Variants in MAN1A1 observed in about 807,000 individuals in gnomAD.
The protein encoded by MAN1A1 is mannosyl-oligosaccharide 1,2-alpha-mannosidase IA.
Under a neutral mutation model 70.8 loss-of-function variants are expected in MAN1A1, and 29 were observed. That is an observed-to-expected ratio of 0.41 (90% CI 0.31 to 0.56). MAN1A1 has a LOEUF of 0.56. Ranked by LOEUF, MAN1A1 falls within the 20% of genes least tolerant of loss-of-function variation. MAN1A1 has a pLI of 0.29. For synonymous variants in MAN1A1, 349 were observed against 330.1 expected, an observed-to-expected ratio of 1.06 and a Z score of -0.62; for missense variants, 747 against 841.3, an observed-to-expected ratio of 0.89 and a Z score of 1.39.
chr6:119,311,089 C>T (rs1262908866), intron 2 of MAN1A1, among the ~76,000 whole-genome samples: 1 of 152,184 alleles, frequency 6.6e-6, no homozygotes, highest in Non-Finnish European at 1.5e-5. Context: ...TTTCTGCACA[C>T]ACAAAATGTG....
At chr6:119,190,010 T>A in intron 9 of MAN1A1, 127 bp from the exon 10 acceptor site, 1 of 747,216 alleles carries the variant, frequency 1.3e-6, no homozygotes, top group Admixed American at 2.8e-5. Context: ...TAAAAATCCA[T>A]TCAACCTGAA....
At chr6:119,313,030 G>C (rs1772753520) in intron 2 of MAN1A1, among the ~76,000 whole-genome samples, 1 of 152,108 alleles carries the variant, frequency 6.6e-6, no homozygotes, top group East Asian at 1.9e-4. Context: ...GTCCTCCTAG[G>C]CTTCAGGAGG....
At chr6:119,279,687 C>G (rs1776177101) in intron 5 of MAN1A1, among the ~76,000 whole-genome samples, 1 of 152,192 alleles carries the variant, frequency 6.6e-6, no homozygotes, top group African/African-American at 2.4e-5. Flanking sequence ...GCCACCAAGT[C>G]TAATAAGTTA....
At chr6:119,310,295 T>C (rs1200330451) in intron 2 of MAN1A1, among the ~76,000 whole-genome samples, 1 of 152,228 alleles carries the variant, frequency 6.6e-6, no homozygotes. Flanking sequence ...TAAATTTTTA[T>C]ATTAGACACA....
intron 2 of MAN1A1, among the ~76,000 whole-genome samples, chr6:119,341,784 C>T (rs574797055): frequency 6.6e-6 from 1 of 152,268 alleles, no homozygotes; most frequent in South Asian, 2.1e-4. Context: ...TTTACTCGAT[C>T]TCTCTCTCTA....
intron 2 of MAN1A1, among the ~76,000 whole-genome samples, chr6:119,308,528 A>G (rs989186884): frequency 3.9e-5 from 6 of 152,134 alleles, no homozygotes; most frequent in Admixed American, 3.3e-4. Flanking sequence ...AATTTGGGAT[A>G]ATTCCTTACA....
rs539560990 is a variant in MAN1A1, at chr6:119,323,478, G to A, written c.604-16486C>T. On this transcript the variant is annotated intron_variant, in intron 2 of 12. Coordinates refer to ENST00000368468, the MANE Select transcript of MAN1A1 (RefSeq NM_005907.4). ...TGTAATCAATTATCAAGTATTTTTA[G>A]CACTTAGTTGATGCCCAACATATCA... Among the ~76,000 whole-genome samples the A allele has an allele frequency of 2.0e-5, 3 of 152,214 alleles. No homozygotes were observed. In the East Asian group the frequency reaches 5.8e-4, roughly 29 times the overall value.
intron 8 of MAN1A1, among the ~76,000 whole-genome samples, chr6:119,194,273 C>A (rs943764280): frequency 1.3e-5 from 2 of 152,114 alleles, no homozygotes; most frequent in Non-Finnish European, 2.9e-5. Flanking sequence ...TGAGTATTAG[C>A]AAATCTTTTT....
Position 119,249,689 on chromosome 6 carries a change from T to C in MAN1A1, c.898-1335A>G, listed in dbSNP as rs545496081. On this transcript the variant is annotated intron_variant, in intron 5 of 12. Coordinates refer to ENST00000368468, the MANE Select transcript of MAN1A1 (RefSeq NM_005907.4). ...GGGAAGGGCTTCAGTGTCTAACTCC[T>C]GCTCTAAGTCCTGAGCCTCTCCACT... 3.3e-5 allele frequency among the ~76,000 whole-genome samples: 5 copies of C among 152,304 alleles called. No homozygotes were observed. The East Asian group carries it at 7.7e-4, about 24-fold the overall frequency.
At chr6:119,284,885 A>G (rs1776321443) in intron 5 of MAN1A1, among the ~76,000 whole-genome samples, 1 of 152,194 alleles carries the variant, frequency 6.6e-6, no homozygotes, top group Admixed American at 6.5e-5. Flanking sequence ...AATATTGTAA[A>G]GAATTTAATT....
At chr6:119,278,902 A>C (rs1478137161) in intron 5 of MAN1A1, among the ~76,000 whole-genome samples, 1 of 152,148 alleles carries the variant, frequency 6.6e-6, no homozygotes, top group East Asian at 1.9e-4. Context: ...CTGAGGCTTC[A>C]TGAGAAGCCA....
Position 119,189,749 on chromosome 6 carries a change from A to G in MAN1A1, c.1461T>C (p.Asp487=). The G allele has an allele frequency of 2.5e-6, 4 of 1,614,116 alleles. No homozygotes were observed. The highest frequency in any genetic ancestry group is 3.4e-6 in the Non-Finnish European group (4 of 1,180,010). Residue 487 remains aspartate, a synonymous_variant, in exon 10 of 13, where the codon GAT becomes GAC. Coordinates refer to ENST00000368468, the MANE Select transcript of MAN1A1 (RefSeq NM_005907.4). ...FAGGMFALGA[D]AAPEGMAQHY... ...GTTGGGCCATGCCTTCGGGAGCTGC[A>G]TCAGCCCCGAGTGCGAACATGCCCC...
At chr6:119,329,086 C>T (rs2114489651) in intron 2 of MAN1A1, among the ~76,000 whole-genome samples, 1 of 152,276 alleles carries the variant, frequency 6.6e-6, no homozygotes, top group South Asian at 2.1e-4. Context: ...ACTTAGGAGG[C>T]TCTGTGCCAT....
chr6:119,283,346 C>G (rs1776270974), intron 5 of MAN1A1, among the ~76,000 whole-genome samples: 1 of 152,142 alleles, frequency 6.6e-6, no homozygotes, highest in Non-Finnish European at 1.5e-5. Flanking sequence ...GAGTTTTAGT[C>G]AATGACTAAA....
In MAN1A1 at chr6:119,263,877, G is replaced by A. The variant is rs757623527; in HGVS notation, c.898-15523C>T. Among the ~76,000 whole-genome samples, 86 of 152,226 alleles carry A rather than the reference G, an allele frequency of 5.6e-4. 1 individual carries two copies. Among genetic ancestry groups the A allele is most frequent in the Non-Finnish European group, 1.0e-3 (69 of 67,992 alleles). On this transcript the variant is annotated intron_variant, in intron 5 of 12. Coordinates refer to ENST00000368468, the MANE Select transcript of MAN1A1 (RefSeq NM_005907.4). ...CCAAATATAAATGAAACCTCGAATAGTTTAACACTCCATTTGATAAATACA... is the reference window on the plus strand; with the variant it reads ...CCAAATATAAATGAAACCTCGAATAATTTAACACTCCATTTGATAAATACA...
intron 4 of MAN1A1, among the ~76,000 whole-genome samples, chr6:119,299,498 T>C (rs1425468041): frequency 3.3e-5 from 5 of 152,124 alleles, no homozygotes; most frequent in African/African-American, 1.2e-4. Flanking sequence ...TAAAATTATA[T>C]CTTGAAAGGT....
intron 6 of MAN1A1, among the ~76,000 whole-genome samples, chr6:119,217,501 C>T (rs893314410): frequency 6.6e-6 from 1 of 152,134 alleles, no homozygotes; most frequent in Non-Finnish European, 1.5e-5. Flanking sequence ...AGGATGGTCT[C>T]GATCTCCTGA....
chr6:119,333,305 GA>G (rs1773369821), intron 2 of MAN1A1, among the ~76,000 whole-genome samples: 2 of 152,184 alleles, frequency 1.3e-5, no homozygotes. Context: ...AGAAAAAGGT[GA>G]TCCTTCTGAA....
At chr6:119,279,503 C>T (rs1012270209) in intron 5 of MAN1A1, among the ~76,000 whole-genome samples, 2 of 152,188 alleles carry the variant, frequency 1.3e-5, no homozygotes, top group African/African-American at 4.8e-5. Context: ...TCATGGCTAC[C>T]AGCCTAGACA....
Sources: gnomAD v4.1 joint callset for allele counts (sites outside exome capture counted in the v4.1 genomes callset) on GRCh38, gnomAD v4.1.1 for gene constraint, MANE v1.5 for transcripts, NCBI Gene and HGNC (gene_info 2026-07-23, HGNC 2026-07-21) for gene names.